Variants in GLRA3 observed in about 807,000 individuals in gnomAD.
GLRA3 encodes the protein glycine receptor alpha 3, also known as glycine receptor subunit alpha-3.
GLRA3 carries 44 observed loss-of-function variants against 60.4 expected under a neutral mutation model. The observed-to-expected ratio is 0.73, with a 90% CI of 0.57 to 0.94. GLRA3 has a LOEUF of 0.94. Ranked by LOEUF, GLRA3 falls within the 40% of genes least tolerant of loss-of-function variation. The pLI, the probability that GLRA3 is intolerant of heterozygous loss-of-function variation, is 0.00. For synonymous variants in GLRA3, 223 were observed against 192.9 expected (o/e 1.16, Z -1.29); for missense variants, 508 against 564.6 (o/e 0.90, Z 1.02).
At chr4:174,813,900 C>T (rs1740372011) in intron 1 of GLRA3, among the ~76,000 whole-genome samples, 1 of 152,180 alleles carries the variant, frequency 6.6e-6, no homozygotes, top group Non-Finnish European at 1.5e-5. Context: ...GAAACAGATG[C>T]CTTGGCGGGA....
intron 9 of GLRA3, among the ~76,000 whole-genome samples, chr4:174,648,199 G>A (rs943960500): frequency 9.9e-5 from 15 of 152,080 alleles, no homozygotes; most frequent in African/African-American, 1.9e-4. Context: ...GGCAGCTTAC[G>A]CCTCTAATCC....
At chr4:174,781,504 CA>C (rs1313965695) in intron 2 of GLRA3, among the ~76,000 whole-genome samples, 2 of 138,734 alleles carry the variant, frequency 1.4e-5, no homozygotes, top group African/African-American at 5.4e-5. Flanking sequence ...AAAAACCCTT[CA>C]AAAAATTAAT....
chr4:174,683,581 C>A (rs1734440723), intron 5 of GLRA3, among the ~76,000 whole-genome samples: 1 of 152,164 alleles, frequency 6.6e-6, no homozygotes, highest in African/African-American at 2.4e-5. Flanking sequence ...AAACTCCTGA[C>A]CTCATGATCT....
intron 2 of GLRA3, among the ~76,000 whole-genome samples, chr4:174,775,967 C>A (rs1027301087): frequency 6.6e-6 from 1 of 151,706 alleles, no homozygotes; most frequent in Non-Finnish European, 1.5e-5. Flanking sequence ...CAGAGGTAAG[C>A]CTAAAATAAA....
chr4:174,797,481 C>T (rs1219497662), intron 1 of GLRA3, among the ~76,000 whole-genome samples: 1 of 152,114 alleles, frequency 6.6e-6, no homozygotes, highest in Admixed American at 6.5e-5. Flanking sequence ...ACATTCCCAT[C>T]AATGAATTTT....
Position 174,642,131 on chromosome 4 carries a change from C to CAAAAA in GLRA3, c.*1650_*1654dup. 1 of 886,520 alleles carries CAAAAA rather than the reference C, an allele frequency of 1.1e-6. No individual in the cohort carries two copies. Among genetic ancestry groups the CAAAAA allele is most frequent in the Middle Eastern group, 5.8e-4 (1 of 1,722 alleles). 54.9% of individuals were successfully genotyped at this position (886,520 alleles called of 1,614,324 possible). On this transcript the variant is annotated 3_prime_UTR_variant, in exon 10 of 10. Transcript: ENST00000274093. Reference sequence around the variant, plus strand: ...GGAGGGGAACTTGGTCTTTTACTAGCAAAAACTGCTTAACATTTACTATTT... The same window carrying CAAAAA: ...GGAGGGGAACTTGGTCTTTTACTAGCAAAAAAAAAACTGCTTAACATTTACTATTT...
At chr4:174,715,924 G>A (rs1490975911) in intron 4 of GLRA3, among the ~76,000 whole-genome samples, 5 of 152,188 alleles carry the variant, frequency 3.3e-5, no homozygotes, top group Non-Finnish European at 5.9e-5. Context: ...GGCTGTGGAT[G>A]TCTAGAAAAT....
chr4:174,764,943 G>A (rs1432201094), intron 3 of GLRA3, among the ~76,000 whole-genome samples: 1 of 152,000 alleles, frequency 6.6e-6, no homozygotes, highest in Non-Finnish European at 1.5e-5. Flanking sequence ...AAAATACCAA[G>A]GTGGACATGA....
At chr4:174,777,206 G>C (rs1442191304) in intron 2 of GLRA3, among the ~76,000 whole-genome samples, 1 of 152,142 alleles carries the variant, frequency 6.6e-6, no homozygotes, top group Non-Finnish European at 1.5e-5. Flanking sequence ...ATCAAAATGA[G>C]ATTTGACTTC....
chr4:174,656,673 T>A, intron 9 of GLRA3, 70 bp downstream of exon 9: 1 of 822,270 alleles, frequency 1.2e-6, no homozygotes, highest in Admixed American at 1.8e-5. Flanking sequence ...GCCTTGGTAG[T>A]GCAGAATATG....
chr4:174,814,685 A>T (rs1347097282), intron 1 of GLRA3, among the ~76,000 whole-genome samples: 2 of 152,186 alleles, frequency 1.3e-5, no homozygotes, highest in African/African-American at 2.4e-5. Context: ...GAGCTTGTGC[A>T]GGGAAATTCC....
intron 3 of GLRA3, among the ~76,000 whole-genome samples, chr4:174,752,698 C>T (rs1737537674): frequency 6.6e-6 from 1 of 152,084 alleles, no homozygotes; most frequent in Non-Finnish European, 1.5e-5. Context: ...CATTAATATC[C>T]ATAGTAAAGT....
rs1489658064 is a variant in GLRA3 at position 174,728,625 on chromosome 4, T to C, written c.341A>G (p.Asp114Gly). 4 of 1,611,766 alleles carry C rather than the reference T, an allele frequency of 2.5e-6. No individual in the cohort carries two copies. In the East Asian group the frequency reaches 6.7e-5, roughly 27 times the overall value. Residue 114 changes from aspartate (D) to glycine (G), a missense_variant, in exon 4 of 10, where the codon GAC becomes GGC. Transcript: ENST00000274093. ...PRLAYSEYPD[D>G]SLDLDPSMLD... ...CATGGAGGGGTCGAGGTCTAAAGAGTCGTCAGGATATTCACTGTACGCGAG... is the reference window on the plus strand; with the variant it reads ...CATGGAGGGGTCGAGGTCTAAAGAGCCGTCAGGATATTCACTGTACGCGAG...
intron 5 of GLRA3, among the ~76,000 whole-genome samples, chr4:174,688,318 CAT>C (rs553159490): frequency 2.7e-3 from 93 of 34,930 alleles, no homozygotes; most frequent in African/African-American, 3.4e-3. Context: ...TACCTGACAT[CAT>C]ATATATATAT....
intron 3 of GLRA3, among the ~76,000 whole-genome samples, chr4:174,745,135 A>T (rs867740717): frequency 6.6e-6 from 1 of 152,366 alleles, no homozygotes. Flanking sequence ...CAAAATCTTT[A>T]TGATATGTGG....
chr4:174,654,064 G>A (rs111383053), intron 9 of GLRA3, among the ~76,000 whole-genome samples: 3,166 of 152,122 alleles, frequency 0.021, 42 homozygotes, highest in Middle Eastern at 0.044. Context: ...TTTTCTTCGG[G>A]TATGCATGAA....
chr4:174,659,142 A>C lies in GLRA3; in HGVS notation c.983T>G (p.Phe328Cys). 1 of 1,612,268 alleles carries C rather than the reference A, an allele frequency of 6.2e-7. No individual in the cohort carries two copies. The highest frequency in any genetic ancestry group is 8.5e-7 in the Non-Finnish European group (1 of 1,178,564). The change falls in exon 8 of 10, where the codon TTT (phenylalanine) becomes TGT (cysteine). Residue 328 changes from phenylalanine (F) to cysteine (C), a missense_variant. By Grantham distance (205) the Phe-to-Cys change is radical (BLOSUM62 -2). Coordinates refer to ENST00000274093, the MANE Select transcript of GLRA3 (RefSeq NM_006529.4). ...AGCTGCATACTCCAGAAGTGCTGAA[A>C]ACACAAAAAGGAGGCATACTGCCAT... ...IWMAVCLLFVFSALLEYAAVN... is the reference protein window; with the variant it reads ...IWMAVCLLFVCSALLEYAAVN...
In GLRA3 at chr4:174,641,930, T is replaced by A. The variant is rs1732633865; in HGVS notation, c.*1856A>T. On this transcript the variant is annotated 3_prime_UTR_variant, in exon 10 of 10. Transcript: ENST00000274093. ...TGCTCTAATCTTTAGAACAAGAATA[T>A]GTTTCCATGGTTTTGTTAAATACAC... 1 of 153,090 alleles carries A rather than the reference T, an allele frequency of 6.5e-6. No individual in the cohort carries two copies. Among genetic ancestry groups the A allele is most frequent in the South Asian group, 2.1e-4 (1 of 4,848 alleles). The allele number at this position is 153,090 out of a possible 1,614,324, so 9.5% of individuals were successfully genotyped here.
chr4:174,694,856 C>T (rs6832279), intron 5 of GLRA3, among the ~76,000 whole-genome samples: 80,128 of 151,596 alleles, frequency 0.53, 22,045 homozygotes, highest in South Asian at 0.67. Context: ...AAAGAGAGAA[C>T]GTCCAGATAA....
Sources: gnomAD v4.1 joint callset for allele counts (sites outside exome capture counted in the v4.1 genomes callset) on GRCh38, gnomAD v4.1.1 for gene constraint, MANE v1.5 for transcripts, NCBI Gene and HGNC (gene_info 2026-07-23, HGNC 2026-07-21) for gene names.